Variants in FSTL5 observed in about 807,000 individuals in gnomAD.
The protein encoded by FSTL5 is follistatin like 5, also known as follistatin-related protein 5.
FSTL5 carries 62 observed loss-of-function variants against 89.1 expected under a neutral mutation model. The observed-to-expected ratio is 0.70, with a 90% confidence interval of 0.57 to 0.86. The LOEUF (loss-of-function observed/expected upper bound fraction) is 0.86, where lower values mean the gene tolerates loss of function less well. Among genes scored for constraint, FSTL5 ranks in the 40% least tolerant of loss-of-function variants. FSTL5 has a pLI of 0.00. For missense variants in FSTL5, 1,057 were observed against 1,001.6 expected, an observed-to-expected ratio of 1.06 and a Z score of -0.75; for synonymous variants, 383 against 346.2, an observed-to-expected ratio of 1.11 and a Z score of -1.18.
chr4:161,941,877 T>G (rs1734597182), intron 3 of FSTL5, among the ~76,000 whole-genome samples: 1 of 151,978 alleles, frequency 6.6e-6, no homozygotes, highest in African/African-American at 2.4e-5. Flanking sequence ...CAGGATATGT[T>G]AGGCCACAAG....
chr4:161,888,608 C>A (rs1418537362), intron 4 of FSTL5, among the ~76,000 whole-genome samples: 2 of 152,040 alleles, frequency 1.3e-5, no homozygotes, highest in African/African-American at 4.8e-5. Context: ...TTCATTAATG[C>A]AAATGCTGTC....
intron 6 of FSTL5, among the ~76,000 whole-genome samples, chr4:161,706,508 CTATTGCCTATCGAA>C (rs1738585583): frequency 6.6e-6 from 1 of 151,932 alleles, no homozygotes; most frequent in Non-Finnish European, 1.5e-5. Context: ...ACTAAATGTC[CTATTGCCTATCGAA>C]TGCTTTTTTC....
At chr4:161,809,963 T>G (rs1222760411) in intron 4 of FSTL5, among the ~76,000 whole-genome samples, 1 of 152,196 alleles carries the variant, frequency 6.6e-6, no homozygotes, top group Non-Finnish European at 1.5e-5. Context: ...TTTTGATTAT[T>G]GAGTAATAGA....
chr4:161,774,006 A>G (rs1741305259), intron 5 of FSTL5, among the ~76,000 whole-genome samples: 1 of 152,156 alleles, frequency 6.6e-6, no homozygotes, highest in African/African-American at 2.4e-5. Flanking sequence ...TCACGCATGT[A>G]ATCCCAGCAC....
rs183237105 is a variant in FSTL5 at position 161,960,628 on chromosome 4, T to C, written c.161-39976A>G. On this transcript the variant is annotated intron_variant, in intron 3 of 15. Transcript: ENST00000306100. ...TATAACTGGCTAAAAACAACTTATG[T>C]TAAATTTGATATATTTCATTATTGT... 2.0e-3 allele frequency among the ~76,000 whole-genome samples: 305 copies of C among 152,240 alleles called. 5 individuals are homozygous for C. Among genetic ancestry groups the C allele is most frequent in the Non-Finnish European group, 1.1e-3 (72 of 68,002 alleles).
At chr4:162,068,647 T>C (rs1030241614) in intron 2 of FSTL5, among the ~76,000 whole-genome samples, 6 of 151,988 alleles carry the variant, frequency 3.9e-5, no homozygotes, top group Non-Finnish European at 7.4e-5. Flanking sequence ...CAGGCAAAGA[T>C]ATCATGATGA....
chr4:161,581,736 T>C (rs28397173), intron 8 of FSTL5, among the ~76,000 whole-genome samples: 1 of 152,234 alleles, frequency 6.6e-6, no homozygotes, highest in East Asian at 1.9e-4. Context: ...AACCACTTTA[T>C]GCAGAAGTTT....
intron 4 of FSTL5, among the ~76,000 whole-genome samples, chr4:161,817,467 A>T (rs915120024): frequency 5.9e-5 from 9 of 152,244 alleles, no homozygotes; most frequent in African/African-American, 2.2e-4. Flanking sequence ...CACGAAAGTT[A>T]AAATGTGTTG....
intron 8 of FSTL5, among the ~76,000 whole-genome samples, chr4:161,577,473 C>CAAAAAAAAAAAAAAAAAA (rs544029134): frequency 9.1e-6 from 1 of 110,226 alleles, no homozygotes; most frequent in African/African-American, 3.5e-5. Context: ...AGAAAAAAGA[C>CAAAAAAAAAAAAAAAAAA]AAAAAAAAAA....
At chr4:161,741,535 C>T (rs1006450955) in intron 6 of FSTL5, among the ~76,000 whole-genome samples, 12 of 151,856 alleles carry the variant, frequency 7.9e-5, no homozygotes, top group Non-Finnish European at 1.2e-4. Flanking sequence ...TGCTTTAAGC[C>T]AAGGTAGAAA....
At chr4:161,997,825 C>T (rs1344865917) in intron 3 of FSTL5, among the ~76,000 whole-genome samples, 2 of 151,838 alleles carry the variant, frequency 1.3e-5, no homozygotes, top group East Asian at 3.9e-4. Context: ...AGGATGGTCT[C>T]GATCTCCTGA....
At chr4:161,783,597 CCTTT>C (rs5863483) in intron 4 of FSTL5, among the ~76,000 whole-genome samples, 83,461 of 118,616 alleles carry the variant, frequency 0.7, 29,455 homozygotes, top group Non-Finnish European at 0.74. Context: ...GCTTTCCTTG[CCTTT>C]CTTTCTTTCT....
At chr4:161,769,809 T>C in intron 5 of FSTL5, among the ~76,000 whole-genome samples, 1 of 151,544 alleles carries the variant, frequency 6.6e-6, no homozygotes, top group Non-Finnish European at 1.5e-5. Context: ...AAGTCCTAGC[T>C]AGAGCAATCA....
intron 4 of FSTL5, among the ~76,000 whole-genome samples, chr4:161,831,399 A>G (rs1299555898): frequency 6.6e-6 from 1 of 151,942 alleles, no homozygotes; most frequent in Non-Finnish European, 1.5e-5. Context: ...TTGCCTGGCT[A>G]TTAAATTGAC....
intron 15 of FSTL5, among the ~76,000 whole-genome samples, chr4:161,452,919 C>T (rs921078314): frequency 6.6e-6 from 1 of 152,066 alleles, no homozygotes; most frequent in South Asian, 2.1e-4. Context: ...TAAATGTGTG[C>T]CTTATAGTTG....
At chr4:161,733,294 T>A (rs188955306) in intron 6 of FSTL5, among the ~76,000 whole-genome samples, 1 of 152,130 alleles carries the variant, frequency 6.6e-6, no homozygotes, top group African/African-American at 2.4e-5. Context: ...AATTTCCAGT[T>A]GTTTGTTGAC....
chr4:161,961,140 A>G (rs1735163615), intron 3 of FSTL5, among the ~76,000 whole-genome samples: 1 of 152,032 alleles, frequency 6.6e-6, no homozygotes, highest in African/African-American at 2.4e-5. Context: ...TAAAGAGATG[A>G]GGGCTTCTCT....
intron 3 of FSTL5, among the ~76,000 whole-genome samples, chr4:161,934,622 TTTCG>T (rs1288991916): frequency 2.0e-5 from 3 of 151,954 alleles, no homozygotes; most frequent in Non-Finnish European, 4.4e-5. Context: ...TGGGGTTTTT[TTTCG>T]TTCTTTCTTT....
intron 4 of FSTL5, among the ~76,000 whole-genome samples, chr4:161,801,974 T>C (rs1328606740): frequency 6.6e-6 from 1 of 151,738 alleles, no homozygotes; most frequent in East Asian, 1.9e-4. Flanking sequence ...AACTTTATGA[T>C]GATACTCAAG....
Sources: allele counts gnomAD v4.1 joint callset (sites outside exome capture counted in the v4.1 genomes callset), GRCh38; gene constraint gnomAD v4.1.1; transcripts MANE v1.5; gene names NCBI Gene and HGNC (gene_info 2026-07-23, HGNC 2026-07-21).